Variants in DIP2A observed in about 807,000 individuals in gnomAD.
DIP2A encodes the protein DIP2 acetate--CoA ligase A.
Under a neutral mutation model 177.4 loss-of-function variants are expected in DIP2A, and 85 were observed. The ratio of observed to expected loss-of-function variants is 0.48; its 90% CI spans 0.40 to 0.57. DIP2A has a LOEUF of 0.57. Among genes scored for constraint, DIP2A ranks in the 20% least tolerant of loss-of-function variants. The pLI, the probability that DIP2A is intolerant of heterozygous loss-of-function variation, is 0.00. For missense variants in DIP2A, 1,791 were observed against 2,100.2 expected (o/e 0.85, Z 2.88); for synonymous variants, 886 against 881.8 (o/e 1.00, Z -0.08).
Position 46,490,745 on chromosome 21 carries a change from G to A in DIP2A, c.283+26G>A, listed in dbSNP as rs770508296. 1.6e-5 allele frequency: 25 copies of A among 1,550,900 alleles called. No homozygotes were observed. In the African/African-American group the frequency reaches 3.4e-4, roughly 21 times the overall value. ...GTAGGGTCACAGCCTAGGCAGTGGG[G>A]AAGGTGGACGGGCCTGGAGCCCTTG... On this transcript the variant is annotated intron_variant, in intron 3 of 37. Coordinates refer to ENST00000417564, the MANE Select transcript of DIP2A (RefSeq NM_015151.4).
intron 1 of DIP2A, among the ~76,000 whole-genome samples, chr21:46,470,372 G>A (rs1463194139): frequency 1.3e-5 from 2 of 152,070 alleles, no homozygotes; most frequent in South Asian, 4.1e-4. Flanking sequence ...TACTCGGAAC[G>A]CTGAGGCGGG....
At chr21:46,459,313 C>T in intron 1 of DIP2A, 91 bp downstream of exon 1, 1 of 1,101,642 alleles carries the variant, frequency 9.1e-7, no homozygotes, top group Non-Finnish European at 1.2e-6. Context: ...CGCGGCCCCT[C>T]ACTCCAGGAC....
At chr21:46,581,663 C>T in the DIP2A span, among the ~76,000 whole-genome samples, 141 of 152,092 alleles carry the variant, frequency 9.3e-4, 1 homozygote, top group African/African-American at 3.3e-3. Flanking sequence ...GTTGTTGTTG[C>T]TTTCTTTCTT....
rs962343430 is a variant in DIP2A, at chr21:46,541,607, T to C, written c.2037-149T>C. On this transcript the variant is annotated intron_variant, in intron 17 of 37. Transcript: ENST00000417564. ...CAGAGGGGCATGTAGTTTGGAGACA[T>C]TGCAGCATCTTTAGAACATGCGTTT... 3.1e-5 allele frequency: 27 copies of C among 876,108 alleles called. No individual in the cohort carries two copies. The East Asian group carries it at 4.2e-4, about 13-fold the overall frequency. The allele number at this position is 876,108 out of a possible 1,614,324, so 54.3% of individuals were successfully genotyped here.
the DIP2A span, among the ~76,000 whole-genome samples, chr21:46,578,571 C>T: frequency 7.6e-4 from 115 of 152,264 alleles, no homozygotes; most frequent in African/African-American, 2.2e-3. Context: ...TTTGCTCATT[C>T]GGTATGAAAT....
chr21:46,510,797 AT>A (rs557575009), intron 7 of DIP2A, among the ~76,000 whole-genome samples: 3 of 150,098 alleles, frequency 2.0e-5, no homozygotes, highest in Non-Finnish European at 3.0e-5. Flanking sequence ...CACCTGGCTA[AT>A]TTTTTTTTGT....
Position 46,549,807 on chromosome 21 carries a change from C to T in DIP2A, c.2559C>T (p.Asp853=), listed in dbSNP as rs1336196926. The T allele has an allele frequency of 6.2e-7, 1 of 1,613,764 alleles. No homozygotes were observed. Among genetic ancestry groups the T allele is most frequent in the Non-Finnish European group, 8.5e-7 (1 of 1,180,028 alleles). ...TCTCTGTGACCGTGCTGCACGACGA[C>T]CGGATTGTCCTGGTGGCTGAGCAGC... ...AVFSVTVLHD[D]RIVLVAEQRP... Residue 853 remains aspartate (D), a synonymous_variant, in exon 22 of 38, where the codon GAC becomes GAT. Transcript: ENST00000417564.
intron 9 of DIP2A, among the ~76,000 whole-genome samples, chr21:46,531,194 A>C (rs1194278888): frequency 6.6e-6 from 1 of 151,946 alleles, no homozygotes; most frequent in Non-Finnish European, 1.5e-5. Context: ...GTGGGGTGGA[A>C]TCCTCAGCAC....
rs982332714 is a variant in DIP2A, at chr21:46,545,933, G to A, written c.2366G>A (p.Arg789Lys). 4 of 1,614,006 alleles carry A rather than the reference G, an allele frequency of 2.5e-6. No individual in the cohort carries two copies. Among genetic ancestry groups the A allele is most frequent in the Non-Finnish European group, 2.5e-6 (3 of 1,179,888 alleles). Residue 789 changes from arginine to lysine, a missense_variant, in exon 20 of 38, where the codon AGG (arginine) becomes AAG (lysine). Transcript: ENST00000417564. ...GAPIFDRPFT[R>K]TGLLGFIGPD... is the part of the protein sequence containing the mutation. ...CCCATCTTTGACAGGCCATTCACCA[G>A]GACAGGCCTGCTGGGCTTCATCGGG...
At chr21:46,467,282 C>T (rs1303049933) in intron 1 of DIP2A, among the ~76,000 whole-genome samples, 4 of 123,026 alleles carry the variant, frequency 3.3e-5, no homozygotes, top group Non-Finnish European at 4.8e-5. Context: ...GGCTACAGAG[C>T]GAGACTCCGT....
At chr21:46,513,518 A>G (rs1285060077) in intron 8 of DIP2A, among the ~76,000 whole-genome samples, 1 of 152,126 alleles carries the variant, frequency 6.6e-6, no homozygotes, top group Non-Finnish European at 1.5e-5. Context: ...TTGCTCTGTG[A>G]TGGTTCCTCA....
chr21:46,509,132 G>A, intron 6 of DIP2A, 125 bp from the exon 7 acceptor site: 1 of 1,043,818 alleles, frequency 9.6e-7, no homozygotes, highest in Non-Finnish European at 1.3e-6. Flanking sequence ...CTGTCCAGTG[G>A]GGCCCACACT....
At chr21:46,484,387 C>G (rs1271730637) in intron 1 of DIP2A, among the ~76,000 whole-genome samples, 1 of 152,196 alleles carries the variant, frequency 6.6e-6, no homozygotes, top group African/African-American at 2.4e-5. Flanking sequence ...AGAACAGTTT[C>G]ACCACCCTCA....
intron 8 of DIP2A, among the ~76,000 whole-genome samples, chr21:46,526,333 T>C (rs2059087711): frequency 6.6e-6 from 1 of 152,058 alleles, no homozygotes; most frequent in Admixed American, 6.6e-5. Context: ...TGTGACAGTC[T>C]CAAGTACTTA....
intron 1 of DIP2A, among the ~76,000 whole-genome samples, chr21:46,473,458 G>GA (rs143205698): frequency 1.1e-4 from 14 of 129,720 alleles, no homozygotes; most frequent in East Asian, 1.1e-3. Flanking sequence ...ATGTCTCAGG[G>GA]AAAAAAAAAG....
rs779886259 is a variant in DIP2A at position 46,551,647 on chromosome 21, C to G, written c.2853C>G (p.Ala951=). Residue 951 remains alanine (A), a synonymous_variant, in exon 24 of 38, where the codon GCC becomes GCG. Transcript: ENST00000417564. ...PRQKQPEVGP[A]SMIVGNLVAG... ...CCCCGTTTCTAGAGGTTGGACCAGC[C>G]TCAATGATCGTGGGGAACCTGGTTG... 1.2e-6 allele frequency: 2 copies of G among 1,613,982 alleles called. No homozygotes were observed. Among genetic ancestry groups the G allele is most frequent in the East Asian group, 2.2e-5 (1 of 44,882 alleles).
intron 3 of DIP2A, 142 bp downstream of exon 3, chr21:46,490,861 C>A: frequency 9.0e-7 from 1 of 1,112,270 alleles, no homozygotes; most frequent in African/African-American, 1.6e-5. Context: ...TGTACATCAT[C>A]ATATTTTTTT....
chr21:46,498,079 A>G lies in DIP2A; in HGVS notation c.404-503A>G, dbSNP rs1313102821. ...ATGACTCCCCTGAAAGGATGCATGT[A>G]GACAGGGCTGCGGTTCTCCCATGGC... On this transcript the variant is annotated intron_variant, in intron 4 of 37. Transcript: ENST00000417564. This position sits in a 1 kb window ranked among gnomAD's most constrained non-coding sequence, Gnocchi z 4.3. 6.6e-6 allele frequency among the ~76,000 whole-genome samples: 1 copy of G among 152,218 alleles called. No individual in the cohort carries two copies. The highest frequency in any genetic ancestry group is 1.5e-5 in the Non-Finnish European group (1 of 68,042).
At chr21:46,482,456 A>G (rs979017573) in intron 1 of DIP2A, among the ~76,000 whole-genome samples, 2 of 152,246 alleles carry the variant, frequency 1.3e-5, no homozygotes, top group South Asian at 2.1e-4. Flanking sequence ...TCTAATCCAT[A>G]TAATTAGGTA....
Sources: gnomAD v4.1 joint callset for allele counts (sites outside exome capture counted in the v4.1 genomes callset) on GRCh38, gnomAD v4.1.1 for gene constraint, Gnocchi (gnomAD v3.1) non-coding constraint, MANE v1.5 for transcripts, NCBI Gene and HGNC (gene_info 2026-07-23, HGNC 2026-07-21) for gene names.